Variants in GPHN observed in about 807,000 individuals in gnomAD.
GPHN encodes gephyrin.
Under a neutral mutation model 95.5 loss-of-function variants are expected in GPHN, and 17 were observed. The observed-to-expected ratio is 0.18, with a 90% CI of 0.12 to 0.27. The LOEUF is 0.27. Among genes scored for constraint, GPHN ranks in the 10% least tolerant of loss-of-function variants. The pLI is 1.00. For missense variants in GPHN, 660 were observed against 978.1 expected (o/e 0.67, Z 4.34); for synonymous variants, 320 against 322.5 (o/e 0.99, Z 0.08).
chr14:67,623,286 T>C, the GPHN span, among the ~76,000 whole-genome samples: 1 of 152,176 alleles, frequency 6.6e-6, no homozygotes, highest in Non-Finnish European at 1.5e-5. Flanking sequence ...AGTACCAAAA[T>C]AACTTGAGTG....
the GPHN span, among the ~76,000 whole-genome samples, chr14:67,236,879 G>C: frequency 2.6e-5 from 4 of 152,016 alleles, no homozygotes; most frequent in Admixed American, 6.6e-5. Context: ...TTTTAGGTCA[G>C]GGGTTCGAGA....
At chr14:67,005,698 TCACCTA>T (rs1389435012) in intron 9 of GPHN, among the ~76,000 whole-genome samples, 1 of 151,988 alleles carries the variant, frequency 6.6e-6, no homozygotes, top group Non-Finnish European at 1.5e-5. Context: ...TAAGTTGAAA[TCACCTA>T]CACCCTTTGA....
the GPHN span, chr14:67,340,317 T>G: frequency 1.3e-6 from 1 of 775,746 alleles, no homozygotes; most frequent in Non-Finnish European, 2.1e-6. Context: ...TGCTGCTTAT[T>G]TATCAGAATA....
At chr14:67,701,024 CA>C in the GPHN span, among the ~76,000 whole-genome samples, 8,576 of 67,332 alleles carry the variant, frequency 0.13, 233 homozygotes, top group East Asian at 0.27. Flanking sequence ...AATTTCATCT[CA>C]AAAAAAAAAA....
chr14:67,224,540 A>G, the GPHN span: 1 of 192,628 alleles, frequency 5.2e-6, no homozygotes, highest in South Asian at 7.9e-5. Flanking sequence ...GATTACAGAC[A>G]TGAGCCACTG....
the GPHN span, among the ~76,000 whole-genome samples, chr14:67,701,128 G>A: frequency 1.3e-5 from 2 of 151,762 alleles, no homozygotes; most frequent in Non-Finnish European, 2.9e-5. Context: ...CTTTTTAAGG[G>A]TATAAAGAAC....
intron 8 of GPHN, among the ~76,000 whole-genome samples, chr14:66,934,378 G>T (rs1449342773): frequency 6.6e-6 from 1 of 152,096 alleles, no homozygotes; most frequent in Non-Finnish European, 1.5e-5. Context: ...TTTGTTCGTT[G>T]TCTGTCCAGC....
chr14:66,654,846 A>G (rs1362457927), intron 1 of GPHN, among the ~76,000 whole-genome samples: 1 of 152,144 alleles, frequency 6.6e-6, no homozygotes, highest in Non-Finnish European at 1.5e-5. Flanking sequence ...AGATAGGTCG[A>G]GGTTTTTGCC....
At chr14:67,110,912 C>G (rs772692991) in intron 14 of GPHN, among the ~76,000 whole-genome samples, 3 of 152,176 alleles carry the variant, frequency 2.0e-5, no homozygotes, top group Non-Finnish European at 4.4e-5. Context: ...CCTAAGCAAG[C>G]CTTTATCTCA....
the GPHN span, among the ~76,000 whole-genome samples, chr14:67,505,443 A>G: frequency 6.6e-6 from 1 of 152,344 alleles, no homozygotes; most frequent in Middle Eastern, 3.4e-3. Context: ...CACGTTGGCC[A>G]TCTGCTGTTG....
chr14:66,718,843 A>G (rs1177804152), intron 2 of GPHN, among the ~76,000 whole-genome samples: 1 of 152,094 alleles, frequency 6.6e-6, no homozygotes, highest in Non-Finnish European at 1.5e-5. Flanking sequence ...AGGGCCCAGG[A>G]TGTCTGAGCT....
the GPHN span, among the ~76,000 whole-genome samples, chr14:67,328,695 T>G: frequency 6.6e-6 from 1 of 152,250 alleles, no homozygotes. Flanking sequence ...TTTCTACATA[T>G]GGCTAGCCAG....
chr14:67,287,499 T>A, the GPHN span, among the ~76,000 whole-genome samples: 4 of 152,184 alleles, frequency 2.6e-5, no homozygotes, highest in Non-Finnish European at 1.5e-5. Flanking sequence ...TGGCTATAAC[T>A]TGTAAAAATA....
chr14:66,762,925 CATATTTTAAAA>C, intron 2 of GPHN, among the ~76,000 whole-genome samples: 1 of 152,154 alleles, frequency 6.6e-6, no homozygotes, highest in Admixed American at 6.5e-5. Context: ...CAATTTTGAC[CATATTTTAAAA>C]CAATAGCTAC....
At chr14:67,650,657 C>CAT in the GPHN span, 1 of 1,493,138 alleles carries the variant, frequency 6.7e-7, no homozygotes, top group African/African-American at 1.4e-5. Flanking sequence ...AGTGGGATGA[C>CAT]CCTCACTGAG....
the GPHN span, chr14:67,345,656 G>C: frequency 3.1e-6 from 2 of 647,562 alleles, no homozygotes; most frequent in South Asian, 3.9e-5. Flanking sequence ...ATAGGATCAT[G>C]GGAACAGTTA....
chr14:66,661,710 C>T (rs1209911444), intron 1 of GPHN, among the ~76,000 whole-genome samples: 2 of 152,156 alleles, frequency 1.3e-5, no homozygotes, highest in Non-Finnish European at 2.9e-5. Flanking sequence ...CTGGACCCTC[C>T]AGCCACCCTC....
chr14:66,777,472 A>G (rs988914639), intron 3 of GPHN, among the ~76,000 whole-genome samples: 1 of 152,226 alleles, frequency 6.6e-6, no homozygotes, highest in African/African-American at 2.4e-5. Context: ...AACTCATTTT[A>G]TGAGGCCAGC....
chr14:67,014,636 T>A (rs1247180267), intron 9 of GPHN, among the ~76,000 whole-genome samples: 1 of 152,224 alleles, frequency 6.6e-6, no homozygotes, highest in Non-Finnish European at 1.5e-5. Context: ...GTTCTATTAC[T>A]ACTTTACTGT....
Sources: gnomAD v4.1 joint callset for allele counts (sites outside exome capture counted in the v4.1 genomes callset) on GRCh38, gnomAD v4.1.1 for gene constraint, MANE v1.5 for transcripts, NCBI Gene and HGNC (gene_info 2026-07-23, HGNC 2026-07-21) for gene names.